TFRC: variants seen among roughly 807,000 people sequenced by gnomAD.
The protein encoded by TFRC is transferrin receptor protein 1.
TFRC carries 35 observed loss-of-function variants against 85.8 expected under a neutral mutation model. That is an observed-to-expected ratio of 0.41 (90% CI 0.31 to 0.54). TFRC has a LOEUF of 0.54. Ranked by LOEUF, TFRC falls within the 20% of genes least tolerant of loss-of-function variation. TFRC has a pLI of 0.31. For synonymous variants in TFRC, 362 were observed against 328.6 expected (o/e 1.10, Z -1.10); for missense variants, 828 against 921.5 (o/e 0.90, Z 1.31).
At chr3:196,081,221 C>T (rs1485071501) in intron 1 of TFRC, among the ~76,000 whole-genome samples, 1 of 152,228 alleles carries the variant, frequency 6.6e-6, no homozygotes, top group African/African-American at 2.4e-5. Flanking sequence ...ACTCCTATGG[C>T]TCCCGTCTTG....
intron 2 of TFRC, among the ~76,000 whole-genome samples, chr3:196,076,338 T>C (rs6797886): frequency 0.019 from 2,924 of 152,184 alleles, 86 homozygotes; most frequent in African/African-American, 0.068. Flanking sequence ...AGAGATGGGC[T>C]TGCTATGTTG....
Position 196,051,886 on chromosome 3 carries a change from A to G in TFRC, c.*56T>C, listed in dbSNP as rs1255790362. 1.3e-6 allele frequency: 2 copies of G among 1,579,584 alleles called. No homozygotes were observed. The highest frequency in any genetic ancestry group is 1.7e-6 in the Non-Finnish European group (2 of 1,162,816). ...CTACTGAAAATTTAGCACGATCAGC[A>G]CAAGTCTAGAAACCAGACTACCCTG... On this transcript the variant is annotated 3_prime_UTR_variant, in exon 19 of 19. Transcript: ENST00000360110.
At chr3:196,075,665 C>A (rs991885104) in intron 2 of TFRC, among the ~76,000 whole-genome samples, 3 of 151,770 alleles carry the variant, frequency 2.0e-5, no homozygotes, top group Non-Finnish European at 4.4e-5. Context: ...CTGGGCTCTA[C>A]TGATTCCCCC....
In TFRC at chr3:196,050,517, G is replaced by A. The variant is rs561826784; in HGVS notation, c.*1425C>T. On this transcript the variant is annotated 3_prime_UTR_variant, in exon 19 of 19. Coordinates refer to ENST00000360110, the MANE Select transcript of TFRC (RefSeq NM_001128148.3). Reference sequence around the variant, plus strand: ...ACTTACACCCTTAGTGTAACATATGGAGATCACTGTCTCCGATACAGACAC... The same window carrying A: ...ACTTACACCCTTAGTGTAACATATGAAGATCACTGTCTCCGATACAGACAC... The A allele has an allele frequency of 4.9e-6, 1 of 204,714 alleles. No homozygotes were observed. The highest frequency in any genetic ancestry group is 7.6e-5 in the East Asian group (1 of 13,240). The allele number at this position is 204,714 out of a possible 1,614,324, so 12.7% of individuals were successfully genotyped here.
rs41299374 is a variant in TFRC at position 196,049,773 on chromosome 3, G to C, written c.*2169C>G. ...AGCTATGACCTTTTCACTTAGCTACGCTAAATGTCAGTCCAAGATAAAAGA... is the reference window on the plus strand; with the variant it reads ...AGCTATGACCTTTTCACTTAGCTACCCTAAATGTCAGTCCAAGATAAAAGA... On this transcript the variant is annotated 3_prime_UTR_variant, in exon 19 of 19. Transcript: ENST00000360110. The C allele has an allele frequency of 2.2e-5, 5 of 229,624 alleles. No homozygotes were observed. The highest frequency in any genetic ancestry group is 4.3e-5 in the Non-Finnish European group (5 of 115,930). The allele number at this position is 229,624 out of a possible 1,614,324, so 14.2% of individuals were successfully genotyped here.
At chr3:196,070,247 G>A (rs1718074748) in intron 6 of TFRC, among the ~76,000 whole-genome samples, 1 of 149,956 alleles carries the variant, frequency 6.7e-6, no homozygotes, top group African/African-American at 2.5e-5. Flanking sequence ...CTAGAGATAC[G>A]CCTGACTTAC....
At chr3:196,053,357 G>GT in intron 18 of TFRC, 61 bp downstream of exon 18, 1 of 1,591,812 alleles carries the variant, frequency 6.3e-7, no homozygotes, top group Non-Finnish European at 8.6e-7. Context: ...TTGCAGAAGT[G>GT]TAAGATTTAT....
chr3:196,068,140 A>G lies in TFRC; in HGVS notation c.802-10T>C. On this transcript the variant is annotated splice_polypyrimidine_tract_variant and intron_variant, in intron 7 of 18. Transcript: ENST00000360110. ...TTTCAGCATTTGCAACCTAAAAGAA[A>G]ACATATAAAGCTCAGAAAATGAAGA... The G allele has an allele frequency of 6.2e-7, 1 of 1,600,708 alleles. No individual in the cohort carries two copies. The highest frequency in any genetic ancestry group is 8.5e-7 in the Non-Finnish European group (1 of 1,170,224).
At position 196,062,845 on chromosome 3, in the gene TFRC, A is replaced by G. The variant is rs1458670457; in HGVS notation, c.1404+9T>C. On this transcript the variant is annotated intron_variant, in intron 12 of 18. Transcript: ENST00000360110. ...CGTGTCCAATATGGGAAGGGATGATAAAGAATACCTCTAGCCATTCAGTGG... is the reference window on the plus strand; with the variant it reads ...CGTGTCCAATATGGGAAGGGATGATGAAGAATACCTCTAGCCATTCAGTGG... 2 of 1,613,558 alleles carry G rather than the reference A, an allele frequency of 1.2e-6. No homozygotes were observed. Among genetic ancestry groups the G allele is most frequent in the Middle Eastern group, 1.6e-4 (1 of 6,062 alleles).
intron 17 of TFRC, among the ~76,000 whole-genome samples, chr3:196,054,813 C>T (rs41259844): frequency 0.071 from 10,817 of 152,250 alleles, 546 homozygotes; most frequent in East Asian, 0.17. Flanking sequence ...GTCCTACTGA[C>T]GGGCTGCCTG....
chr3:196,052,229 T>C (rs756056966), intron 18 of TFRC, 45 bp from the exon 19 acceptor site: 4 of 1,587,706 alleles, frequency 2.5e-6, no homozygotes, highest in Non-Finnish European at 2.6e-6. Context: ...CCTGTGACTT[T>C]TGTAGTAAAA....
rs758284743 is a variant in TFRC, at chr3:196,067,552, T to C, written c.1006A>G (p.Thr336Ala). The part of the protein sequence containing the change: ...SSGLPNIPVQ[T>A]ISRAAAEKLF... ...TTTTCTGCAGCAGCTCTGGAGATTG[T>C]CTGGACAGGTATATTAGGCAATCCT... Residue 336 changes from threonine (T) to alanine (A), a missense_variant, in exon 9 of 19, where the codon ACA becomes GCA. Coordinates refer to ENST00000360110, the MANE Select transcript of TFRC (RefSeq NM_001128148.3). The C allele has an allele frequency of 2.3e-5, 37 of 1,613,962 alleles. No individual in the cohort carries two copies. The highest frequency in any genetic ancestry group is 3.0e-5 in the Non-Finnish European group (35 of 1,179,978).
intron 17 of TFRC, among the ~76,000 whole-genome samples, chr3:196,054,199 C>T (rs1716581900): frequency 6.6e-6 from 1 of 151,674 alleles, no homozygotes; most frequent in African/African-American, 2.4e-5. Context: ...GATCTCGCCA[C>T]TGCACTTCAG....
intron 14 of TFRC, among the ~76,000 whole-genome samples, chr3:196,059,140 C>G (rs1022672122): frequency 1.3e-5 from 2 of 152,204 alleles, no homozygotes; most frequent in Non-Finnish European, 1.5e-5. Flanking sequence ...ATGGTGAAAC[C>G]CCGTCTCTAC....
At chr3:196,069,068 A>G (rs1474288054) in intron 7 of TFRC, among the ~76,000 whole-genome samples, 3 of 152,126 alleles carry the variant, frequency 2.0e-5, no homozygotes. Context: ...CTCCCACCTC[A>G]GCCTCCTAAA....
Position 196,072,056 on chromosome 3 carries a change from T to C in TFRC, c.531A>G (p.Lys177=), listed in dbSNP as rs1024023524. 3 of 1,614,196 alleles carry C rather than the reference T, an allele frequency of 1.9e-6. No homozygotes were observed. The change falls in exon 5 of 19, where the codon AAA becomes AAG. Residue 177 remains lysine, a synonymous_variant. Transcript: ENST00000360110. ...GTTGATCACGCCAGACTTTGCTGAGTTTAAATTCACGAAATTGATTTTCAA... is the reference window on the plus strand; with the variant it reads ...GTTGATCACGCCAGACTTTGCTGAGCTTAAATTCACGAAATTGATTTTCAA... ...LYVENQFREF[K]LSKVWRDQHF...
At chr3:196,071,662 G>A (rs767708842) in intron 5 of TFRC, among the ~76,000 whole-genome samples, 164 bp from the exon 6 acceptor site, 4 of 152,194 alleles carry the variant, frequency 2.6e-5, no homozygotes, top group Non-Finnish European at 4.4e-5. Flanking sequence ...GGTGGCTCAC[G>A]CCTGTAATCC....
Position 196,058,275 on chromosome 3 carries a change from C to A in TFRC, c.1677+9G>T. On this transcript the variant is annotated intron_variant, in intron 16 of 18. Coordinates refer to ENST00000360110, the MANE Select transcript of TFRC (RefSeq NM_001128148.3). ...TCTCTCCATTTGTCATTTAAATGAACAGACTTACCTCGCAAAAACAGAAAG... is the reference window on the plus strand; with the variant it reads ...TCTCTCCATTTGTCATTTAAATGAAAAGACTTACCTCGCAAAAACAGAAAG... The A allele has an allele frequency of 6.2e-7, 1 of 1,611,242 alleles. No individual in the cohort carries two copies. The highest frequency in any genetic ancestry group is 8.5e-7 in the Non-Finnish European group (1 of 1,178,212).
At position 196,058,203 on chromosome 3, in the gene TFRC, T is replaced by C. The variant is rs192456706; in HGVS notation, c.1677+81A>G. 177 of 1,163,054 alleles carry C rather than the reference T, an allele frequency of 1.5e-4. No individual in the cohort carries two copies. The East Asian group carries it at 3.7e-3, about 24-fold the overall frequency. The allele number at this position is 1,163,054 out of a possible 1,614,324, so 72.0% of individuals were successfully genotyped here. A position where few individuals can be genotyped will look rare whatever the true frequency, so the allele number is the denominator to read the frequency against. ...GTTGACTATAGCACAGGCATTCCCATTGCAATGCCCTATTCCCAAATACAG... is the reference window on the plus strand; with the variant it reads ...GTTGACTATAGCACAGGCATTCCCACTGCAATGCCCTATTCCCAAATACAG... On this transcript the variant is annotated intron_variant, in intron 16 of 18. Transcript: ENST00000360110.
Sources: allele counts gnomAD v4.1 joint callset (sites outside exome capture counted in the v4.1 genomes callset), GRCh38; gene constraint gnomAD v4.1.1; transcripts MANE v1.5; gene names NCBI Gene and HGNC (gene_info 2026-07-23, HGNC 2026-07-21).